LUZP1: variants seen among roughly 807,000 people sequenced by gnomAD.
The protein encoded by LUZP1 is leucine zipper protein 1.
LUZP1 carries 25 observed loss-of-function variants against 71.3 expected under a neutral mutation model. That is an observed-to-expected ratio of 0.35 (90% CI 0.26 to 0.49). LUZP1 has a LOEUF of 0.49. Ranked by LOEUF, LUZP1 falls within the 20% of genes least tolerant of loss-of-function variation. The probability of loss-of-function intolerance (pLI) is 0.99; values close to 1 mark genes in which losing one functional copy is unlikely to be tolerated. For missense variants in LUZP1, 1,142 were observed against 1,300.8 expected (o/e 0.88, Z 1.88); for synonymous variants, 481 against 506.4 (o/e 0.95, Z 0.67).
At chr1:23,143,341 G>A (rs1476351551) in intron 2 of LUZP1, among the ~76,000 whole-genome samples, 1 of 152,148 alleles carries the variant, frequency 6.6e-6, no homozygotes, top group Non-Finnish European at 1.5e-5. Flanking sequence ...TTTAAAATGA[G>A]TAGAATCTAT....
At chr1:23,126,302 G>C (rs1205627449) in intron 2 of LUZP1, among the ~76,000 whole-genome samples, 2 of 152,034 alleles carry the variant, frequency 1.3e-5, no homozygotes, top group African/African-American at 4.8e-5. Flanking sequence ...ACACTATGTT[G>C]GCTCCTATTT....
chr1:23,086,196 T>C (rs1358327895), exon 5 of LUZP1: 2 of 152,664 alleles, frequency 1.3e-5, no homozygotes, highest in African/African-American at 2.4e-5. Flanking sequence ...ACTTTGGGAT[T>C]TGAGAGCCAG....
intron 2 of LUZP1, among the ~76,000 whole-genome samples, chr1:23,154,138 T>A (rs559909673): frequency 6.6e-6 from 1 of 152,104 alleles, no homozygotes; most frequent in Non-Finnish European, 1.5e-5. Flanking sequence ...ACGATAGGAA[T>A]AGAAAACAAC....
intron 2 of LUZP1, among the ~76,000 whole-genome samples, chr1:23,161,821 T>C (rs1015420628): frequency 1.5e-4 from 23 of 151,934 alleles, no homozygotes; most frequent in African/African-American, 5.5e-4. Context: ...CAGGAGTTCA[T>C]GGCCAGCCTG....
chr1:23,115,757 T>A (rs1569596963), intron 2 of LUZP1, among the ~76,000 whole-genome samples: 1 of 152,002 alleles, frequency 6.6e-6, no homozygotes, highest in Middle Eastern at 3.4e-3. Context: ...GCCAGGCTGG[T>A]TCTCAAACTC....
intron 3 of LUZP1, among the ~76,000 whole-genome samples, chr1:23,103,867 G>GGAGGGAGA (rs1643954415): frequency 7.1e-5 from 1 of 14,000 alleles, no homozygotes; most frequent in South Asian, 3.5e-3. Flanking sequence ...AGGGAGGGAG[G>GGAGGGAGA]GAGGGAGGGA....
intron 2 of LUZP1, among the ~76,000 whole-genome samples, chr1:23,168,187 C>T (rs1644525940): frequency 6.9e-6 from 1 of 144,576 alleles, no homozygotes; most frequent in Non-Finnish European, 1.5e-5. Flanking sequence ...CCCGCGCCCG[C>T]AGCTGGCCCC....
intron 2 of LUZP1, among the ~76,000 whole-genome samples, chr1:23,120,638 A>C (rs1644122859): frequency 6.6e-6 from 1 of 152,194 alleles, no homozygotes; most frequent in South Asian, 2.1e-4. Context: ...GATTACAGGC[A>C]TGAGCCACTA....
At chr1:23,123,342 A>G (rs576183637) in intron 2 of LUZP1, among the ~76,000 whole-genome samples, 1 of 152,188 alleles carries the variant, frequency 6.6e-6, no homozygotes, top group South Asian at 2.1e-4. Flanking sequence ...AAATACAAAA[A>G]TTAACCAGGC....
At chr1:23,172,947 TG>T (rs1438521410) in intron 1 of LUZP1, among the ~76,000 whole-genome samples, 1 of 151,890 alleles carries the variant, frequency 6.6e-6, no homozygotes, top group Admixed American at 6.6e-5. Flanking sequence ...CCCAGCCTGC[TG>T]AGTAGCTGGG....
chr1:23,138,675 G>GTA (rs1644274672), intron 2 of LUZP1, among the ~76,000 whole-genome samples: 1 of 101,970 alleles, frequency 9.8e-6, no homozygotes, highest in South Asian at 3.0e-4. Context: ...GTGTGTGTGT[G>GTA]TGTGTGTGTG....
chr1:23,084,942 G>T (rs1010161597), exon 5 of LUZP1: 6 of 152,688 alleles, frequency 3.9e-5, no homozygotes, highest in African/African-American at 1.2e-4. Flanking sequence ...GACAAAACTG[G>T]CATCACAGAC....
At chr1:23,088,978 C>G in exon 5 of LUZP1, 1 of 1,614,190 alleles carries the variant, frequency 6.2e-7, no homozygotes, top group Non-Finnish European at 8.5e-7. Flanking sequence ...CCCTGCTTCC[C>G]AGGCAGTTCA....
chr1:23,089,175 C>A, intron 4 of LUZP1, 122 bp from the exon 4 acceptor site: 1 of 869,820 alleles, frequency 1.1e-6, no homozygotes. Flanking sequence ...CCCAGACAGG[C>A]CATAAGTTAA....
chr1:23,103,558 C>T (rs1643948551), intron 3 of LUZP1, among the ~76,000 whole-genome samples: 1 of 151,900 alleles, frequency 6.6e-6, no homozygotes, highest in Non-Finnish European at 1.5e-5. Context: ...ACAAGAATGA[C>T]AGTCACTTCC....
rs139773081 is a variant in LUZP1 at position 23,093,439 on chromosome 1, A to G, written c.823T>C (p.Ser275Pro). The change falls in exon 4 of 5, where the codon TCA becomes CCA. Residue 275 changes from serine to proline, a missense_variant. Transcript: ENST00000302291. This position sits in a 1 kb window ranked among gnomAD's most constrained non-coding sequence, Gnocchi z 4.2. Reference sequence around the variant, plus strand: ...TGATTGCGGTTCTTTTCATTTTCTGATTTGTTTCTTGTTTCATTCTCTACC... The same window carrying G: ...TGATTGCGGTTCTTTTCATTTTCTGGTTTGTTTCTTGTTTCATTCTCTACC... 3.3e-5 allele frequency: 53 copies of G among 1,612,406 alleles called. No individual in the cohort carries two copies. Among genetic ancestry groups the G allele is most frequent in the Non-Finnish European group, 3.4e-6 (4 of 1,179,684 alleles).
chr1:23,129,504 C>T (rs12047391), intron 2 of LUZP1, among the ~76,000 whole-genome samples: 25,886 of 152,098 alleles, frequency 0.17, 2,270 homozygotes, highest in East Asian at 0.27. Flanking sequence ...TTGCTTGAAC[C>T]GGGGAGGCGG....
chr1:23,084,003 C>CAA (rs1643711357), downstream of LUZP1: 1 of 152,010 alleles, frequency 6.6e-6, no homozygotes, highest in African/African-American at 2.4e-5. Context: ...AGATAGAACA[C>CAA]AAAAGAGCTG....
chr1:23,115,315 AACAG>A (rs1467137482), intron 2 of LUZP1, among the ~76,000 whole-genome samples: 1 of 152,218 alleles, frequency 6.6e-6, no homozygotes. Flanking sequence ...GGAAGCTAGT[AACAG>A]ACAAACAAAA....
Sources: gnomAD v4.1 joint callset for allele counts (sites outside exome capture counted in the v4.1 genomes callset) on GRCh38, gnomAD v4.1.1 for gene constraint, Gnocchi (gnomAD v3.1) non-coding constraint, MANE v1.5 for transcripts, NCBI Gene and HGNC (gene_info 2026-07-23, HGNC 2026-07-21) for gene names.